Variants in PFKM observed in about 807,000 individuals in gnomAD.
The protein encoded by PFKM is ATP-dependent 6-phosphofructokinase, muscle type.
Under a neutral mutation model 95.5 loss-of-function variants are expected in PFKM, and 58 were observed. That is an observed-to-expected ratio of 0.61 (90% CI 0.49 to 0.76). PFKM has a LOEUF of 0.76. PFKM is among the 30% of genes least tolerant of loss of function. The pLI is 0.00. For missense variants in PFKM, 678 were observed against 1,005.4 expected, an observed-to-expected ratio of 0.67 and a Z score of 4.40; for synonymous variants, 336 against 357.2, an observed-to-expected ratio of 0.94 and a Z score of 0.67.
chr12:48,122,477 C>G (rs1948388970), intron 1 of PFKM: 1 of 805,710 alleles, frequency 1.2e-6, no homozygotes, highest in Non-Finnish European at 1.7e-6. Context: ...CTTCTCTTTT[C>G]CCTGACCTTA....
At chr12:48,116,964 A>G (rs1018006929), upstream of PFKM, among the ~76,000 whole-genome samples, 2 of 152,220 alleles carry the variant, frequency 1.3e-5, no homozygotes, top group African/African-American at 4.8e-5. Context: ...TGTATCTGTT[A>G]TAGCATCATA....
Position 48,132,852 on chromosome 12 carries a change from T to TC in PFKM, c.238-15dup, listed in dbSNP as rs1368536842. The TC allele has an allele frequency of 6.2e-7, 1 of 1,602,650 alleles. No homozygotes were observed. The highest frequency in any genetic ancestry group is 2.2e-5 in the East Asian group (1 of 44,522). Reference sequence around the variant, plus strand: ...GAGCCCTGTCTCTGGGGAGCTGACTTCTACCTCTTCCAAAGGGAGGCACGG... The same window carrying TC: ...GAGCCCTGTCTCTGGGGAGCTGACTTCCTACCTCTTCCAAAGGGAGGCACGG... On this transcript the variant is annotated splice_polypyrimidine_tract_variant and intron_variant, in intron 4 of 22. Transcript: ENST00000359794.
chr12:48,108,723 C>T (rs534472558), intron 3 of PFKM, among the ~76,000 whole-genome samples: 2 of 152,146 alleles, frequency 1.3e-5, no homozygotes, highest in Non-Finnish European at 2.9e-5. Context: ...CTATGTATTT[C>T]GTCTTAACTT....
At chr12:48,105,953 A>G in exon 1 of PFKM, 1 of 694,024 alleles carries the variant, frequency 1.4e-6, no homozygotes, top group South Asian at 1.5e-5. Context: ...GGGCCGGCTG[A>G]CCGGGTCCGA....
intron 1 of PFKM, among the ~76,000 whole-genome samples, chr12:48,121,915 G>T (rs1038815094): frequency 1.3e-5 from 2 of 152,170 alleles, no homozygotes; most frequent in African/African-American, 4.8e-5. Context: ...AATTCTACTG[G>T]CATTTTATGG....
intron 6 of PFKM, among the ~76,000 whole-genome samples, 200 bp downstream of exon 6, chr12:48,133,680 T>G (rs922448175): frequency 6.6e-6 from 1 of 152,230 alleles, no homozygotes; most frequent in Non-Finnish European, 1.5e-5. Context: ...TGATTTGTCT[T>G]TTGCCACTGT....
intron 3 of PFKM, among the ~76,000 whole-genome samples, chr12:48,108,989 T>G (rs927258711): frequency 6.6e-6 from 1 of 152,208 alleles, no homozygotes; most frequent in African/African-American, 2.4e-5. Flanking sequence ...CTCCTAGCAC[T>G]TATGAAATAT....
Position 48,144,145 on chromosome 12 carries a change from T to A in PFKM, c.1980T>A (p.Gly660=), listed in dbSNP as rs1180149962. The change falls in exon 20 of 23, where the codon GGT becomes GGA. Residue 660 remains glycine, a synonymous_variant. Transcript: ENST00000359794. ...TCGACAGCAGGAAGAATGTGCTTGGTCACATGCAGCAGGTAGGGAAGACAC... is the reference window on the plus strand; with the variant it reads ...TCGACAGCAGGAAGAATGTGCTTGGACACATGCAGCAGGTAGGGAAGACAC... ...GIFDSRKNVL[G]HMQQGGSPTP... is the part of the protein sequence containing the mutation. 3 of 1,608,386 alleles carry A rather than the reference T, an allele frequency of 1.9e-6. No individual in the cohort carries two copies. Among genetic ancestry groups the A allele is most frequent in the Admixed American group, 3.3e-5 (2 of 59,988 alleles).
intron 2 of PFKM, among the ~76,000 whole-genome samples, chr12:48,125,716 C>T (rs1400422097): frequency 6.6e-6 from 1 of 151,854 alleles, no homozygotes; most frequent in Non-Finnish European, 1.5e-5. Flanking sequence ...GCCTCAGCCT[C>T]TCAAGTAGCT....
chr12:48,135,964 C>T lies in PFKM; in HGVS notation c.936+581C>T, dbSNP rs547662171. On this transcript the variant is annotated intron_variant, in intron 10 of 22. Coordinates refer to ENST00000359794, the MANE Select transcript of PFKM (RefSeq NM_000289.6). ...AGTGCAATGGTGCGACCTTGGCTCA[C>T]TGCACGCTCTGCCTCCCGGGTTCAC... Among the ~76,000 whole-genome samples, 46 of 152,186 alleles carry T rather than the reference C, an allele frequency of 3.0e-4. No individual in the cohort carries two copies. The East Asian group carries it at 8.7e-3, about 29-fold the overall frequency.
chr12:48,120,848 T>C (rs151104184), intron 1 of PFKM, among the ~76,000 whole-genome samples: 16 of 152,314 alleles, frequency 1.1e-4, no homozygotes, highest in African/African-American at 3.1e-4. Context: ...CGTACGAAAC[T>C]ATTAAAATGC....
In PFKM at chr12:48,145,006, G is replaced by C. The variant is rs772290988; in HGVS notation, c.1993-25G>C. The C allele has an allele frequency of 6.6e-7, 1 of 1,518,836 alleles. No homozygotes were observed. The highest frequency in any genetic ancestry group is 9.1e-7 in the Non-Finnish European group (1 of 1,093,196). The allele number at this position is 1,518,836 out of a possible 1,614,324, so 94.1% of individuals were successfully genotyped here. ...CCACTTCATTAGAGTCCTTCCCTCT[G>C]TAATTTTTATGTTTCTTTCTCCAGG... On this transcript the variant is annotated intron_variant, in intron 20 of 22. Transcript: ENST00000359794. The surrounding 1 kb of genome is among the most constrained non-coding windows in gnomAD (Gnocchi z 4.3).
chr12:48,117,442 T>A (rs1012973708), upstream of PFKM, among the ~76,000 whole-genome samples: 1 of 152,244 alleles, frequency 6.6e-6, no homozygotes, highest in South Asian at 2.1e-4. Flanking sequence ...CCATTGTGCA[T>A]TCCCACCAGC....
In PFKM at chr12:48,145,545, C is replaced by T. The variant is rs1950972827; in HGVS notation, c.2199-19C>T. ...GGGTGCTAAAAGATTATATCATCAT[C>T]TACCTCATTCCTCTGTAGGCATCGA... On this transcript the variant is annotated intron_variant, in intron 22 of 22. Transcript: ENST00000359794. The surrounding 1 kb of genome is among the most constrained non-coding windows in gnomAD (Gnocchi z 4.3). 6.2e-7 allele frequency: 1 copy of T among 1,613,932 alleles called. No individual in the cohort carries two copies. Among genetic ancestry groups the T allele is most frequent in the Non-Finnish European group, 8.5e-7 (1 of 1,179,818 alleles).
At chr12:48,137,603 C>A in intron 10 of PFKM, 118 bp from the exon 11 acceptor site, 1 of 1,210,680 alleles carries the variant, frequency 8.3e-7, no homozygotes, top group Non-Finnish European at 1.2e-6. Flanking sequence ...TGCTGCAGTT[C>A]TTAATTGTGA....
chr12:48,122,587 A>G, intron 1 of PFKM, 180 bp from the exon 2 acceptor site: 2 of 1,436,690 alleles, frequency 1.4e-6, no homozygotes, highest in Non-Finnish European at 1.8e-6. Flanking sequence ...TCAGCTTGTC[A>G]GTCTACAAGG....
upstream of PFKM, chr12:48,105,670 C>T: frequency 2.3e-6 from 1 of 433,610 alleles, no homozygotes; most frequent in Non-Finnish European, 4.3e-6. Flanking sequence ...CCAGAGAAGA[C>T]CCAGCTCTGG....
In PFKM at chr12:48,142,060, C is replaced by T. The variant is rs780042405; in HGVS notation, c.1647C>T (p.Ile549=). Residue 549 remains isoleucine, a synonymous_variant, in exon 17 of 23, where the codon ATC becomes ATT. Coordinates refer to ENST00000359794, the MANE Select transcript of PFKM (RefSeq NM_000289.6). The stretch of plus-strand genomic sequence containing the variant: ...GGGCTGACACAGCACTCAATACTAT[C>T]TGCACAGTGAGAGCCTATCACCACT... ...SVGADTALNT[I]CTTCDRIKQS... 8 of 1,614,002 alleles carry T rather than the reference C, an allele frequency of 5.0e-6. No homozygotes were observed. The highest frequency in any genetic ancestry group is 2.2e-5 in the East Asian group (1 of 44,904).
In PFKM at chr12:48,145,793, G is replaced by T; in HGVS notation, c.*85G>T. ...TCCACATCTTCTCAGTGTTTTAGCT[G>T]TTTTTTTCATTAGGTTTCCTTTTAT... On this transcript the variant is annotated 3_prime_UTR_variant, in exon 23 of 23. Transcript: ENST00000359794. This position sits in a 1 kb window ranked among gnomAD's most constrained non-coding sequence, Gnocchi z 4.3. 6.9e-7 allele frequency: 1 copy of T among 1,455,658 alleles called. No individual in the cohort carries two copies. The allele number at this position is 1,455,658 out of a possible 1,614,324, so 90.2% of individuals were successfully genotyped here. A position where few individuals can be genotyped will look rare whatever the true frequency, so the allele number is the denominator to read the frequency against.
Sources: allele counts gnomAD v4.1 joint callset (sites outside exome capture counted in the v4.1 genomes callset), GRCh38; gene constraint gnomAD v4.1.1; non-coding constraint Gnocchi (gnomAD v3.1); transcripts MANE v1.5; gene names NCBI Gene and HGNC (gene_info 2026-07-23, HGNC 2026-07-21).